ASH1L: variants seen among roughly 807,000 people sequenced by gnomAD.
The protein encoded by ASH1L is ASH1 like histone lysine methyltransferase, also known as histone-lysine N-methyltransferase ASH1L.
ASH1L carries 23 observed loss-of-function variants against 269.0 expected under a neutral mutation model. The observed-to-expected ratio is 0.09, with a 90% CI of 0.06 to 0.12. ASH1L has a LOEUF of 0.12. ASH1L is among the 10% of genes least tolerant of loss of function. ASH1L has a pLI of 1.00. For missense variants in ASH1L, 2,912 were observed against 3,567.8 expected (o/e 0.82, Z 4.68); for synonymous variants, 1,187 against 1,253.5 (o/e 0.95, Z 1.12).
At chr1:155,533,586 C>T (rs1366052453) in intron 1 of ASH1L, among the ~76,000 whole-genome samples, 1 of 151,698 alleles carries the variant, frequency 6.6e-6, no homozygotes, top group Non-Finnish European at 1.5e-5. Flanking sequence ...TGGTGGTGTG[C>T]ACCTGTAGTC....
chr1:155,430,186 G>A (rs776720664), intron 5 of ASH1L, among the ~76,000 whole-genome samples: 2 of 151,904 alleles, frequency 1.3e-5, no homozygotes, highest in Admixed American at 6.6e-5. Flanking sequence ...ATGTTGCCCA[G>A]GGTGGTCTTC....
At chr1:155,402,091 A>ATTTT (rs1658907830) in intron 6 of ASH1L, among the ~76,000 whole-genome samples, 2 of 152,192 alleles carry the variant, frequency 1.3e-5, no homozygotes, top group Non-Finnish European at 2.9e-5. Flanking sequence ...CTGTCTAAAA[A>ATTTT]AAAAAAATCA....
intron 6 of ASH1L, among the ~76,000 whole-genome samples, chr1:155,408,794 T>A (rs1558072936): frequency 6.6e-6 from 1 of 151,994 alleles, no homozygotes; most frequent in Non-Finnish European, 1.5e-5. Flanking sequence ...GCAGAAGGAC[T>A]TCTTGAGCCC....
chr1:155,380,332 A>G (rs559076866), intron 7 of ASH1L, among the ~76,000 whole-genome samples: 1 of 152,166 alleles, frequency 6.6e-6, no homozygotes, highest in Non-Finnish European at 1.5e-5. Flanking sequence ...AATAGTCTAC[A>G]TAAAACAACA....
intron 12 of ASH1L, among the ~76,000 whole-genome samples, chr1:155,365,284 C>T: frequency 6.6e-6 from 1 of 151,872 alleles, no homozygotes; most frequent in East Asian, 1.9e-4. Context: ...CAGCTCACTG[C>T]AACCTCCACC....
At chr1:155,456,121 T>G (rs1663847000) in intron 4 of ASH1L, among the ~76,000 whole-genome samples, 1 of 152,190 alleles carries the variant, frequency 6.6e-6, no homozygotes, top group South Asian at 2.1e-4. Flanking sequence ...TTATCTCTGT[T>G]GAATTGAACT....
intron 2 of ASH1L, among the ~76,000 whole-genome samples, chr1:155,507,008 C>T (rs865961889): frequency 3.3e-5 from 5 of 152,124 alleles, no homozygotes; most frequent in African/African-American, 1.2e-4. Context: ...TTAGGCCAGG[C>T]GCAGTGGCTC....
intron 5 of ASH1L, among the ~76,000 whole-genome samples, chr1:155,428,205 A>G (rs1043503184): frequency 7.9e-5 from 12 of 152,112 alleles, no homozygotes; most frequent in Non-Finnish European, 1.6e-4. Context: ...TTGGGAGGCC[A>G]AGGCAGGTGG....
At chr1:155,487,196 G>T (rs905132413) in intron 2 of ASH1L, among the ~76,000 whole-genome samples, 3 of 151,836 alleles carry the variant, frequency 2.0e-5, no homozygotes, top group Non-Finnish European at 4.4e-5. Flanking sequence ...AAAGCCTCAC[G>T]AACAACACTG....
At chr1:155,397,149 A>G (rs1658426838) in intron 6 of ASH1L, among the ~76,000 whole-genome samples, 1 of 151,122 alleles carries the variant, frequency 6.6e-6, no homozygotes, top group African/African-American at 2.4e-5. Flanking sequence ...AAAAAAAAAA[A>G]GCATGGTAAC....
At chr1:155,548,677 A>C (rs988878252) in intron 1 of ASH1L, among the ~76,000 whole-genome samples, 3 of 152,204 alleles carry the variant, frequency 2.0e-5, no homozygotes, top group Admixed American at 6.6e-5. Context: ...GGTATTCTAG[A>C]TAAATTTCTC....
At chr1:155,341,058 G>C (rs1652749519) in intron 25 of ASH1L, among the ~76,000 whole-genome samples, 2 of 152,010 alleles carry the variant, frequency 1.3e-5, no homozygotes, top group Admixed American at 6.6e-5. Flanking sequence ...TGCAATCTCT[G>C]CCTCCCAGGT....
intron 2 of ASH1L, among the ~76,000 whole-genome samples, chr1:155,498,365 G>A (rs915140705): frequency 3.9e-5 from 6 of 152,210 alleles, no homozygotes; most frequent in African/African-American, 4.8e-5. Context: ...AGCCTCCTGA[G>A]AAGACGGGAC....
At chr1:155,433,115 TAGAA>T (rs1661729413) in intron 5 of ASH1L, 9 of 1,380,396 alleles carry the variant, frequency 6.5e-6, no homozygotes, top group South Asian at 5.8e-5. Flanking sequence ...AATAGACTGA[TAGAA>T]AGGAATATAA....
chr1:155,455,447 T>A (rs1663803037), intron 4 of ASH1L, among the ~76,000 whole-genome samples: 1 of 148,626 alleles, frequency 6.7e-6, no homozygotes, highest in African/African-American at 2.4e-5. Flanking sequence ...GGATGGGCCT[T>A]GAGGCATCTT....
chr1:155,359,418 A>G (rs1031847849), intron 13 of ASH1L, among the ~76,000 whole-genome samples: 3 of 152,074 alleles, frequency 2.0e-5, no homozygotes, highest in Admixed American at 2.0e-4. Context: ...CTGGGACTAC[A>G]AGCATGTAAC....
chr1:155,439,019 G>C lies in ASH1L; in HGVS notation c.5136C>G (p.Asp1712Glu), dbSNP rs1662334454. 1.2e-6 allele frequency: 2 copies of C among 1,613,776 alleles called. No individual in the cohort carries two copies. Among genetic ancestry groups the C allele is most frequent in the Non-Finnish European group, 1.7e-6 (2 of 1,179,928 alleles). ...RSPRLVASGD[D>E]SVDSLLQRMV... is the part of the protein sequence containing the mutation. ...TCCGCTGCAGCAGACTATCCACAGA[G>C]TCATCCCCAGAAGCAACTAATCTTG... The change falls in exon 5 of 28, where the codon GAC becomes GAG. Residue 1712 changes from aspartate (D) to glutamate (E), a missense_variant. By Grantham distance (45) the Asp-to-Glu change is conservative (BLOSUM62 2). This residue lies in a region of ASH1L where 789 missense variants were observed against 897.6 expected (regional missense o/e 0.88). Coordinates refer to ENST00000392403, the MANE Select transcript of ASH1L (RefSeq NM_018489.3).
At chr1:155,557,919 T>C (rs1289026177) in intron 1 of ASH1L, among the ~76,000 whole-genome samples, 1 of 152,194 alleles carries the variant, frequency 6.6e-6, no homozygotes, top group East Asian at 1.9e-4. Flanking sequence ...CAGCAGATTA[T>C]AGTGAGGTTG....
At chr1:155,482,531 T>C (rs551221103) in intron 2 of ASH1L, 82 bp from the exon 3 acceptor site, 4 of 1,378,118 alleles carry the variant, frequency 2.9e-6, no homozygotes, top group South Asian at 2.8e-5. Context: ...AACAAACTAA[T>C]GGATCACATA....
Sources: allele counts gnomAD v4.1 joint callset (sites outside exome capture counted in the v4.1 genomes callset), GRCh38; gene constraint gnomAD v4.1.1; regional missense constraint gnomAD v4.1.1; transcripts MANE v1.5; gene names NCBI Gene and HGNC (gene_info 2026-07-23, HGNC 2026-07-21).